Variants in DMRT1 observed in about 807,000 individuals in gnomAD.
DMRT1 encodes the protein doublesex and mab-3 related transcription factor 1.
In DMRT1, 7 loss-of-function variants were observed where a neutral mutation model predicts 32.3. That is an observed-to-expected ratio of 0.22 (90% CI 0.12 to 0.41). DMRT1 has a LOEUF of 0.41. DMRT1 is among the 10% of genes least tolerant of loss of function. DMRT1 has a pLI of 1.00. For synonymous variants in DMRT1, 278 were observed against 206.1 expected (o/e 1.35, Z -2.99); for missense variants, 625 against 500.5 (o/e 1.25, Z -2.37).
At chr9:897,752 T>G (rs1817427891) in intron 3 of DMRT1, among the ~76,000 whole-genome samples, 2 of 151,852 alleles carry the variant, frequency 1.3e-5, no homozygotes, top group South Asian at 4.2e-4. Context: ...ATCTATTGAG[T>G]TCTTGACTGT....
chr9:860,298 A>G (rs1815600420), intron 2 of DMRT1, among the ~76,000 whole-genome samples: 2 of 152,216 alleles, frequency 1.3e-5, no homozygotes, highest in African/African-American at 2.4e-5. Context: ...CTCTGTCTCA[A>G]AAAAAATTAA....
intron 3 of DMRT1, among the ~76,000 whole-genome samples, chr9:898,061 G>C (rs1817439474): frequency 6.6e-6 from 1 of 151,932 alleles, no homozygotes; most frequent in Non-Finnish European, 1.5e-5. Context: ...ATGTTGAAGG[G>C]AGAGAAACTG....
intron 2 of DMRT1, among the ~76,000 whole-genome samples, chr9:865,469 A>G (rs998663944): frequency 1.3e-5 from 2 of 152,156 alleles, no homozygotes; most frequent in African/African-American, 4.8e-5. Context: ...TATGATATAT[A>G]TGAAATATAA....
Position 879,728 on chromosome 9 carries a change from C to T in DMRT1, c.539-14184C>T, listed in dbSNP as rs867394826. ...ATTCATCTGTCTCAGACTTGGCTTC[C>T]AAGATCAGACTAGATCTGCTGGTGC... On this transcript the variant is annotated intron_variant, in intron 2 of 4. Transcript: ENST00000382276. Among the ~76,000 whole-genome samples, 6 of 152,274 alleles carry T rather than the reference C, an allele frequency of 3.9e-5. No individual in the cohort carries two copies. In the Middle Eastern group the frequency reaches 0.01, roughly 259 times the overall value.
At chr9:923,177 A>C (rs77363102) in intron 4 of DMRT1, among the ~76,000 whole-genome samples, 3,195 of 152,222 alleles carry the variant, frequency 0.021, 96 homozygotes, top group African/African-American at 0.073. Context: ...TTTTAGGAAA[A>C]GGTCATCTGG....
At chr9:912,847 T>A (rs1208817367) in intron 3 of DMRT1, among the ~76,000 whole-genome samples, 1 of 152,162 alleles carries the variant, frequency 6.6e-6, no homozygotes, top group Non-Finnish European at 1.5e-5. Context: ...CCAGAGCAGT[T>A]AAACCAGATT....
At chr9:864,643 C>G (rs972168664) in intron 2 of DMRT1, among the ~76,000 whole-genome samples, 3 of 151,922 alleles carry the variant, frequency 2.0e-5, no homozygotes, top group African/African-American at 7.3e-5. Context: ...GGACTACAGG[C>G]GCCCGCCACC....
chr9:904,510 C>A (rs757171488), intron 3 of DMRT1, among the ~76,000 whole-genome samples: 2 of 152,148 alleles, frequency 1.3e-5, no homozygotes, highest in African/African-American at 4.8e-5. Context: ...CAAAAAATAT[C>A]CACTGTATTA....
At chr9:962,020 C>G (rs1819790198) in intron 4 of DMRT1, among the ~76,000 whole-genome samples, 1 of 152,140 alleles carries the variant, frequency 6.6e-6, no homozygotes, top group Admixed American at 6.5e-5. Context: ...AAAGAGTTAG[C>G]CAGTCTGTGG....
chr9:968,207 T>C lies in DMRT1; in HGVS notation c.*68T>C. ...TTATTCCACTTTCCATGGGGTTTGTTAATATTTTGCATTGACTCATACTAT... is the reference window on the plus strand; with the variant it reads ...TTATTCCACTTTCCATGGGGTTTGTCAATATTTTGCATTGACTCATACTAT... On this transcript the variant is annotated 3_prime_UTR_variant, in exon 5 of 5. Coordinates refer to ENST00000382276, the MANE Select transcript of DMRT1 (RefSeq NM_021951.3). The C allele has an allele frequency of 6.3e-7, 1 of 1,585,318 alleles. No homozygotes were observed. Among genetic ancestry groups the C allele is most frequent in the Non-Finnish European group, 8.6e-7 (1 of 1,162,496 alleles).
rs1206520469 is a variant in DMRT1 at position 877,284 on chromosome 9, C to G, written c.539-16628C>G. ...GTCTCGTTCCCAGGATATACATACA[C>G]TCTGCTGAACAGGTTTTGAACCGTG... On this transcript the variant is annotated intron_variant, in intron 2 of 4. Transcript: ENST00000382276. 3.9e-5 allele frequency among the ~76,000 whole-genome samples: 6 copies of G among 152,332 alleles called. No homozygotes were observed. The East Asian group carries it at 1.2e-3, about 29-fold the overall frequency.
intron 4 of DMRT1, among the ~76,000 whole-genome samples, chr9:960,482 T>C (rs572411823): frequency 1.3e-5 from 2 of 152,232 alleles, no homozygotes; most frequent in African/African-American, 4.8e-5. Context: ...GAGTAACAAG[T>C]GTATAGACCT....
Position 858,773 on chromosome 9 carries a change from C to G in DMRT1, c.538+11630C>G, listed in dbSNP as rs547876687. ...CCAGTAATCCCAACTACTTGTGAGG[C>G]TAAGGCAGGAGAATCGCTTGAACCT... is the stretch of plus-strand genomic sequence containing the variant. On this transcript the variant is annotated intron_variant, in intron 2 of 4. Transcript: ENST00000382276. 2.0e-5 allele frequency among the ~76,000 whole-genome samples: 3 copies of G among 150,770 alleles called. No individual in the cohort carries two copies. In the East Asian group the frequency reaches 5.8e-4, roughly 29 times the overall value.
chr9:866,574 C>T (rs545855254), intron 2 of DMRT1, among the ~76,000 whole-genome samples: 2 of 152,262 alleles, frequency 1.3e-5, no homozygotes, highest in South Asian at 4.1e-4. Flanking sequence ...TCAGATTTTT[C>T]ATTAGGGGCA....
At chr9:850,729 C>T (rs1441350252) in intron 2 of DMRT1, among the ~76,000 whole-genome samples, 2 of 90,888 alleles carry the variant, frequency 2.2e-5, no homozygotes, top group Non-Finnish European at 5.4e-5. Flanking sequence ...TAGAATTCCA[C>T]TGTATAGATG....
At chr9:902,072 G>A (rs767683199) in intron 3 of DMRT1, among the ~76,000 whole-genome samples, 7 of 151,170 alleles carry the variant, frequency 4.6e-5, no homozygotes, top group Admixed American at 4.0e-4. Flanking sequence ...ACCACGCCCA[G>A]CTAATTTTTG....
chr9:842,972 G>A (rs529040309), intron 1 of DMRT1: 26 of 152,288 alleles, frequency 1.7e-4, no homozygotes, highest in African/African-American at 5.8e-4. Context: ...TAGAGGGGAG[G>A]GTTCGACTCC....
chr9:922,912 A>G (rs1343463084), intron 4 of DMRT1, among the ~76,000 whole-genome samples: 1 of 152,206 alleles, frequency 6.6e-6, no homozygotes, highest in Non-Finnish European at 1.5e-5. Flanking sequence ...GGCCACCGTC[A>G]GTGATGGGCT....
intron 4 of DMRT1, among the ~76,000 whole-genome samples, chr9:919,720 T>G (rs112269733): frequency 0.01 from 1,578 of 152,254 alleles, 21 homozygotes; most frequent in African/African-American, 0.035. Context: ...ACTATAGGGA[T>G]GCAAGGGTGG....
Sources: allele counts gnomAD v4.1 joint callset (sites outside exome capture counted in the v4.1 genomes callset), GRCh38; gene constraint gnomAD v4.1.1; transcripts MANE v1.5; gene names NCBI Gene and HGNC (gene_info 2026-07-23, HGNC 2026-07-21).